The following ATAD5 variants were observed in gnomAD, a reference collection of about 807,000 sequenced individuals.
ATAD5 encodes ATPase family AAA domain-containing protein 5.
In ATAD5, 58 loss-of-function variants were observed where a neutral mutation model predicts 176.9. That is an observed-to-expected ratio of 0.33 (90% CI 0.27 to 0.41). ATAD5 has a LOEUF of 0.41. Among genes scored for constraint, ATAD5 ranks in the 10% least tolerant of loss-of-function variants. ATAD5 has a pLI of 1.00. For missense variants in ATAD5, 1,789 were observed against 2,094.1 expected (o/e 0.85, Z 2.84); for synonymous variants, 640 against 712.6 (o/e 0.90, Z 1.62).
intron 11 of ATAD5, among the ~76,000 whole-genome samples, chr17:30,867,410 T>A (rs1273944321): frequency 1.3e-5 from 2 of 152,034 alleles, no homozygotes; most frequent in Non-Finnish European, 2.9e-5. Context: ...AAAAATACTA[T>A]GAGCATAAAT....
chr17:30,842,536 C>A (rs1425551979), intron 4 of ATAD5, among the ~76,000 whole-genome samples: 1 of 152,072 alleles, frequency 6.6e-6, no homozygotes, highest in Non-Finnish European at 1.5e-5. Context: ...TTCCCAATTT[C>A]TTCTATATTG....
chr17:30,841,056 C>T (rs1906080585), intron 4 of ATAD5, among the ~76,000 whole-genome samples: 1 of 151,694 alleles, frequency 6.6e-6, no homozygotes, highest in African/African-American at 2.4e-5. Flanking sequence ...GTTGCCCAGG[C>T]GAGAGTGCAA....
chr17:30,865,713 C>T lies in ATAD5; in HGVS notation c.3146C>T (p.Thr1049Ile). Reference sequence around the variant, plus strand: ...TTTTTTTTTGCTTTAGATTCTGGAACTGAAGACATGCTTTGGACAGAAAAG... The same window carrying T: ...TTTTTTTTTGCTTTAGATTCTGGAATTGAAGACATGCTTTGGACAGAAAAG... ...IKLDSSKDSG[T>I]EDMLWTEKYQ... Residue 1049 changes from threonine to isoleucine, a missense_variant, in exon 11 of 23, where the codon ACT becomes ATT. Thr to Ile is a moderately conservative substitution (Grantham distance 89, BLOSUM62 -1). Around this residue, in one of 6 missense-constraint regions of ATAD5, gnomAD observed 487 missense variants for 573.6 expected, o/e 0.85. Coordinates refer to ENST00000321990, the MANE Select transcript of ATAD5 (RefSeq NM_024857.5). 1 of 1,546,226 alleles carries T rather than the reference C, an allele frequency of 6.5e-7. No individual in the cohort carries two copies. The highest frequency in any genetic ancestry group is 2.4e-5 in the East Asian group (1 of 41,602).
Position 30,834,981 on chromosome 17 carries a change from C to A in ATAD5, c.900C>A (p.Val300=). The A allele has an allele frequency of 1.9e-6, 3 of 1,613,988 alleles. No homozygotes were observed. In the South Asian group the frequency reaches 3.3e-5, roughly 18 times the overall value. ...CVPSETVDEI[V]KSGYISESEN... ...CTTCTGAAACTGTCGACGAAATAGT[C>A]AAAAGTGGTTATATAAGTGAATCAG... Residue 300 remains valine, a synonymous_variant, in exon 2 of 23, where the codon GTC becomes GTA. Transcript: ENST00000321990.
At chr17:30,889,886 C>CTTTTTTTTTTTTTTTTTTTTTTTTTTT (rs60266614) in intron 19 of ATAD5, among the ~76,000 whole-genome samples, 61 of 95,686 alleles carry the variant, frequency 6.4e-4, no homozygotes, top group Middle Eastern at 6.9e-3. Flanking sequence ...TCTTTTCTTT[C>CTTTTTTTTTTTTTTTTTTTTTTTTTTT]TTTTTTTTTT....
Position 30,875,904 on chromosome 17 carries a change from G to A in ATAD5, c.3608-470G>A, listed in dbSNP as rs577238052. On this transcript the variant is annotated intron_variant, in intron 14 of 22. Coordinates refer to ENST00000321990, the MANE Select transcript of ATAD5 (RefSeq NM_024857.5). ...TGTAATCCGAGCACTTTGGGAGGCC[G>A]AGGCGGGTAGATCACGAGGTCAGGA... 2.6e-5 allele frequency among the ~76,000 whole-genome samples: 4 copies of A among 151,978 alleles called. No individual in the cohort carries two copies. In the South Asian group the frequency reaches 6.3e-4, roughly 24 times the overall value.
chr17:30,840,291 T>C (rs1280118017), intron 3 of ATAD5, among the ~76,000 whole-genome samples: 1 of 151,502 alleles, frequency 6.6e-6, no homozygotes, highest in East Asian at 1.9e-4. Flanking sequence ...GCCATTCATA[T>C]AGTAGGCTGG....
At chr17:30,863,428 G>A (rs1255951226) in intron 10 of ATAD5, among the ~76,000 whole-genome samples, 8 of 150,872 alleles carry the variant, frequency 5.3e-5, no homozygotes, top group Non-Finnish European at 5.9e-5. Context: ...GTGCAGTGGC[G>A]CGATCTCGGC....
chr17:30,840,682 C>T lies in ATAD5; in HGVS notation c.2142C>T (p.His714=), dbSNP rs781291910. The T allele has an allele frequency of 2.3e-5, 37 of 1,605,278 alleles. No individual in the cohort carries two copies. Among genetic ancestry groups the T allele is most frequent in the Non-Finnish European group, 3.1e-5 (37 of 1,176,414 alleles). The stretch of plus-strand genomic sequence containing the variant: ...TGATTGAAAAAGCAAAAGCTTTACA[C>T]ATCAGTAGGTCAAAGGTGACTGAAG... ...KQLIEKAKAL[H]ISRSKVTEEI... is the part of the protein sequence containing the mutation. The change falls in exon 4 of 23, where the codon CAC becomes CAT. Residue 714 remains histidine (H), a synonymous_variant. Coordinates refer to ENST00000321990, the MANE Select transcript of ATAD5 (RefSeq NM_024857.5).
At position 30,857,742 on chromosome 17, in the gene ATAD5, ATTT is replaced by A. The variant is rs56075512; in HGVS notation, c.2794-405_2794-403del. On this transcript the variant is annotated intron_variant, in intron 8 of 22. Transcript: ENST00000321990. ...AGCTTTATATTTAGTGACTAAAGCT[ATTT>A]TTTTTTTTTTTTTGAGTTGGAGTCT... Among the ~76,000 whole-genome samples the A allele has an allele frequency of 6.8e-3, 942 of 138,282 alleles. 8 individuals are homozygous for A. Among genetic ancestry groups the A allele is most frequent in the African/African-American group, 0.023 (894 of 38,056 alleles). 90.7% of individuals were successfully genotyped at this position (138,282 alleles called of 152,430 possible).
chr17:30,846,742 C>G (rs1387093622), intron 6 of ATAD5, among the ~76,000 whole-genome samples: 2 of 132,862 alleles, frequency 1.5e-5, no homozygotes, highest in Non-Finnish European at 3.1e-5. Flanking sequence ...TTTTTTGAGA[C>G]GGAGTTTCGC....
intron 1 of ATAD5, 74 bp from the exon 2 acceptor site, chr17:30,834,074 A>G (rs781016704): frequency 1.6e-5 from 20 of 1,234,804 alleles, no homozygotes; most frequent in Non-Finnish European, 2.2e-5. Flanking sequence ...GTAAACTATT[A>G]GATCCATGTT....
chr17:30,840,145 C>T (rs1470344758), intron 3 of ATAD5, among the ~76,000 whole-genome samples: 2 of 148,646 alleles, frequency 1.3e-5, no homozygotes, highest in Admixed American at 1.4e-4. Flanking sequence ...TTGCACTGAG[C>T]CGAGATCATG....
At chr17:30,884,419 CTTTTCTTTTTTTTTT>C (rs1909195425) in intron 18 of ATAD5, among the ~76,000 whole-genome samples, 1 of 117,676 alleles carries the variant, frequency 8.5e-6, no homozygotes, top group African/African-American at 3.8e-5. Flanking sequence ...TATTTCTTTT[CTTTTCTTTTTTTTTT>C]TTTTTTTTTT....
At position 30,895,454 on chromosome 17, in the gene ATAD5, G is replaced by C. The variant is rs1394704206; in HGVS notation, c.*541G>C. ...GAATCTTGCTCTGTCACCCAGGCTGGAGTGCAGTGGCCTGGTATCGGCTCA... is the reference window on the plus strand; with the variant it reads ...GAATCTTGCTCTGTCACCCAGGCTGCAGTGCAGTGGCCTGGTATCGGCTCA... On this transcript the variant is annotated 3_prime_UTR_variant, in exon 23 of 23. Coordinates refer to ENST00000321990, the MANE Select transcript of ATAD5 (RefSeq NM_024857.5). The C allele has an allele frequency of 6.6e-6, 1 of 150,842 alleles. No homozygotes were observed. The highest frequency in any genetic ancestry group is 6.6e-5 in the Admixed American group (1 of 15,058). 9.3% of individuals were successfully genotyped at this position (150,842 alleles called of 1,614,324 possible).
intron 14 of ATAD5, among the ~76,000 whole-genome samples, chr17:30,872,689 G>A (rs562809765): frequency 2.4e-4 from 36 of 151,984 alleles, no homozygotes; most frequent in African/African-American, 7.7e-4. Context: ...TTAAGTAGCT[G>A]GGATTACAGG....
chr17:30,852,494 T>C (rs1442272101), intron 6 of ATAD5, among the ~76,000 whole-genome samples: 2 of 152,178 alleles, frequency 1.3e-5, no homozygotes, highest in East Asian at 3.8e-4. Context: ...GCCTTTTCAG[T>C]AGATAAAGTT....
At chr17:30,862,348 A>C (rs1217896831) in intron 10 of ATAD5, among the ~76,000 whole-genome samples, 1 of 151,992 alleles carries the variant, frequency 6.6e-6, no homozygotes, top group East Asian at 1.9e-4. Flanking sequence ...GCAAAAAAAA[A>C]GGTAACAAAG....
intron 18 of ATAD5, among the ~76,000 whole-genome samples, chr17:30,881,261 G>C (rs1908996902): frequency 6.6e-6 from 1 of 151,872 alleles, no homozygotes; most frequent in Admixed American, 6.6e-5. Flanking sequence ...CAATTTTACT[G>C]TATGGGTTAT....
Sources: allele counts gnomAD v4.1 joint callset (sites outside exome capture counted in the v4.1 genomes callset), GRCh38; gene constraint gnomAD v4.1.1; regional missense constraint gnomAD v4.1.1; transcripts MANE v1.5; gene names NCBI Gene and HGNC (gene_info 2026-07-23, HGNC 2026-07-21).